ODF2L: variants seen among roughly 807,000 people sequenced by gnomAD.
The protein encoded by ODF2L is protein BCAP.
In ODF2L, 76 loss-of-function variants were observed where a neutral mutation model predicts 86.3. The observed-to-expected ratio is 0.88, with a 90% CI of 0.73 to 1.07. The LOEUF (loss-of-function observed/expected upper bound fraction) is 1.07, where lower values mean the gene tolerates loss of function less well. Among genes scored for constraint, ODF2L ranks in the 50% least tolerant of loss-of-function variants. ODF2L has a pLI of 0.00. For missense variants in ODF2L, 748 were observed against 717.4 expected (o/e 1.04, Z -0.49); for synonymous variants, 241 against 231.3 (o/e 1.04, Z -0.38).
At chr1:86,354,198 G>C (rs948370794) in intron 16 of ODF2L, among the ~76,000 whole-genome samples, 3 of 152,204 alleles carry the variant, frequency 2.0e-5, no homozygotes, top group African/African-American at 7.2e-5. Flanking sequence ...GAACTTTACA[G>C]CTCACTGAAT....
chr1:86,373,337 G>T (rs551865696), intron 8 of ODF2L, among the ~76,000 whole-genome samples: 4 of 148,068 alleles, frequency 2.7e-5, no homozygotes, highest in African/African-American at 5.0e-5. Flanking sequence ...GCAGTGGCAC[G>T]GTCATGATGG....
chr1:86,376,325 C>A, exon 8 of ODF2L: 1 of 1,611,784 alleles, frequency 6.2e-7, no homozygotes, highest in Non-Finnish European at 8.5e-7. Context: ...TTTAAAGCTA[C>A]AGTTTTTTGC....
At position 86,359,798 on chromosome 1, in the gene ODF2L, G is replaced by GT. The variant is rs916462255; in HGVS notation, c.1254+627dup. ...CTCAGCCTCCCAGTGGATTACAGGT[G>GT]TACGCCACTACACCCAGCCAGTTCA... On this transcript the variant is annotated intron_variant, in intron 12 of 17. Coordinates refer to ENST00000317336, the Ensembl canonical transcript of ODF2L. Among the ~76,000 whole-genome samples, 58 of 152,154 alleles carry GT rather than the reference G, an allele frequency of 3.8e-4. 1 individual carries two copies. The Middle Eastern group carries it at 0.02, about 54-fold the overall frequency.
exon 1 of ODF2L, chr1:86,396,176 A>T (rs1024816084): frequency 6.6e-6 from 1 of 152,512 alleles, no homozygotes; most frequent in African/African-American, 2.4e-5. Flanking sequence ...AGGGAGCGGG[A>T]CGCAGGGGGC....
At chr1:86,391,705 C>A (rs1661342163) in intron 1 of ODF2L, among the ~76,000 whole-genome samples, 1 of 151,922 alleles carries the variant, frequency 6.6e-6, no homozygotes, top group African/African-American at 2.4e-5. Context: ...AAATCTAAGA[C>A]CTGAAACTAT....
At chr1:86,368,754 G>T in intron 10 of ODF2L, 1 of 1,344,222 alleles carries the variant, frequency 7.4e-7, no homozygotes, top group Non-Finnish European at 9.7e-7. Context: ...GTTTATGTAT[G>T]AAAATGTTCA....
intron 6 of ODF2L, 136 bp downstream of exon 6, chr1:86,382,795 G>T: frequency 1.6e-6 from 1 of 624,114 alleles, no homozygotes. Flanking sequence ...GGTAAAACCT[G>T]TAAAATATCC....
rs563434166 is a variant in ODF2L at position 86,362,434 on chromosome 1, G to A, written c.1144-1898C>T. On this transcript the variant is annotated intron_variant, in intron 11 of 17. Coordinates refer to ENST00000317336, the Ensembl canonical transcript of ODF2L. ...TCAGCCTCCCAAGTAGCTGAGAGGC[G>A]CACACCACCACACCTGGCTAATTTT... Among the ~76,000 whole-genome samples the A allele has an allele frequency of 1.3e-3, 195 of 150,832 alleles. 1 individual carries two copies. The highest frequency in any genetic ancestry group is 4.1e-3 in the African/African-American group (167 of 41,020).
At chr1:86,371,349 A>G (rs1659771530) in intron 9 of ODF2L, among the ~76,000 whole-genome samples, 196 bp from the exon 10 acceptor site, 1 of 152,212 alleles carries the variant, frequency 6.6e-6, no homozygotes, top group African/African-American at 2.4e-5. Flanking sequence ...AGTAACTCTG[A>G]TTAGAAACAA....
chr1:86,359,446 T>C (rs1202058836), intron 12 of ODF2L, among the ~76,000 whole-genome samples: 1 of 151,806 alleles, frequency 6.6e-6, no homozygotes, highest in Admixed American at 6.6e-5. Context: ...TTTTCCCATC[T>C]AATCCATCGA....
At chr1:86,371,266 G>A (rs1366368713) in intron 9 of ODF2L, 113 bp from the exon 10 acceptor site, 9 of 491,400 alleles carry the variant, frequency 1.8e-5, no homozygotes, top group Non-Finnish European at 2.4e-5. Flanking sequence ...TTCAAATAGG[G>A]AATATACAAA....
At chr1:86,348,962 T>C, downstream of ODF2L, 1 of 1,325,822 alleles carries the variant, frequency 7.5e-7, no homozygotes, top group Non-Finnish European at 1.0e-6. Flanking sequence ...AAAACATATA[T>C]ACAATAACTA....
At chr1:86,369,708 T>C (rs1306237612) in intron 10 of ODF2L, among the ~76,000 whole-genome samples, 3 of 152,198 alleles carry the variant, frequency 2.0e-5, no homozygotes, top group African/African-American at 4.8e-5. Context: ...CATAACACTA[T>C]GTATCTCCCA....
chr1:86,385,371 T>C, intron 3 of ODF2L, 87 bp downstream of exon 3: 1 of 750,736 alleles, frequency 1.3e-6, no homozygotes, highest in Non-Finnish European at 2.2e-6. Context: ...TAAGTGAGCA[T>C]ACCTATATAA....
intron 7 of ODF2L, among the ~76,000 whole-genome samples, chr1:86,377,426 C>T (rs1294161171): frequency 3.3e-5 from 5 of 152,180 alleles, no homozygotes; most frequent in Non-Finnish European, 7.3e-5. Flanking sequence ...GGACTTGTGG[C>T]CCTCTTCTCA....
chr1:86,383,253 AG>A lies in ODF2L; in HGVS notation c.373-58del, dbSNP rs1660707656. ...CAAATTATATTTCTCTATATAAAAA[AG>A]TAGGAAGTGAAATAAGCACTACTCA... On this transcript the variant is annotated intron_variant, in intron 4 of 17. Coordinates refer to ENST00000317336, the Ensembl canonical transcript of ODF2L. The A allele has an allele frequency of 7.9e-6, 7 of 890,914 alleles. No individual in the cohort carries two copies. In the East Asian group the frequency reaches 1.8e-4, roughly 23 times the overall value. The allele number at this position is 890,914 out of a possible 1,614,324, so 55.2% of individuals were successfully genotyped here.
intron 2 of ODF2L, 88 bp from the exon 3 acceptor site, chr1:86,385,678 T>G: frequency 7.5e-6 from 7 of 928,682 alleles, no homozygotes; most frequent in Non-Finnish European, 1.1e-5. Flanking sequence ...TATACAGTAC[T>G]CTTAATAGCA....
intron 3 of ODF2L, 41 bp downstream of exon 3, chr1:86,385,417 T>C (rs752910778): frequency 2.4e-6 from 3 of 1,271,038 alleles, no homozygotes; most frequent in Non-Finnish European, 3.4e-6. Context: ...CTGAGTATTA[T>C]ACTAGCTTTT....
At chr1:86,379,650 A>T (rs1303430942) in intron 7 of ODF2L, among the ~76,000 whole-genome samples, 1 of 152,178 alleles carries the variant, frequency 6.6e-6, no homozygotes, top group Non-Finnish European at 1.5e-5. Context: ...AGATAAACAG[A>T]TTTTTTTACC....
Sources: gnomAD v4.1 joint callset for allele counts (sites outside exome capture counted in the v4.1 genomes callset) on GRCh38, gnomAD v4.1.1 for gene constraint, MANE v1.5 for transcripts, NCBI Gene and HGNC (gene_info 2026-07-23, HGNC 2026-07-21) for gene names.